The following CYTH3 variants were observed in gnomAD, a reference collection of about 807,000 sequenced individuals.
The protein encoded by CYTH3 is cytohesin-3.
A neutral mutation model predicts 55.1 loss-of-function variants in CYTH3; 23 were observed. That is an observed-to-expected ratio of 0.42 (90% CI 0.30 to 0.59). CYTH3 has a LOEUF of 0.59. CYTH3 is among the 20% of genes least tolerant of loss of function. CYTH3 has a pLI of 0.20. For synonymous variants in CYTH3, 249 were observed against 194.9 expected, an observed-to-expected ratio of 1.28 and a Z score of -2.31; for missense variants, 413 against 524.8, an observed-to-expected ratio of 0.79 and a Z score of 2.08.
At chr7:6,178,211 G>A (rs1442385910) in intron 4 of CYTH3, among the ~76,000 whole-genome samples, 2 of 152,242 alleles carry the variant, frequency 1.3e-5, no homozygotes, top group African/African-American at 4.8e-5. Flanking sequence ...GTGGTTATTA[G>A]AAATTATAAA....
At position 6,163,267 on chromosome 7, in the gene CYTH3, G is replaced by A. The variant is rs1782892446; in HGVS notation, c.*1677C>T. ...CTCAAAGAACAGTCTCCGCTGCTGA[G>A]AAGGAAACCTAGGTGCACAAAGTCT... On this transcript the variant is annotated 3_prime_UTR_variant, in exon 13 of 13. Transcript: ENST00000350796. 6.6e-6 allele frequency: 1 copy of A among 152,354 alleles called. No homozygotes were observed. Among genetic ancestry groups the A allele is most frequent in the East Asian group, 1.9e-4 (1 of 5,198 alleles). The allele number at this position is 152,354 out of a possible 1,614,324, so 9.4% of individuals were successfully genotyped here.
intron 1 of CYTH3, among the ~76,000 whole-genome samples, chr7:6,253,143 ATCTAG>A (rs1780015034): frequency 6.6e-6 from 1 of 152,144 alleles, no homozygotes. Flanking sequence ...TACACATGCA[ATCTAG>A]TCTATAGGAT....
At chr7:6,198,498 G>A (rs1233089612) in intron 1 of CYTH3, among the ~76,000 whole-genome samples, 1 of 152,224 alleles carries the variant, frequency 6.6e-6, no homozygotes, top group African/African-American at 2.4e-5. Context: ...AATGTTCAGA[G>A]AAGGTGTCCT....
chr7:6,190,279 G>A (rs925341022), intron 2 of CYTH3, among the ~76,000 whole-genome samples, 170 bp downstream of exon 2: 1 of 147,722 alleles, frequency 6.8e-6, no homozygotes, highest in African/African-American at 2.5e-5. Flanking sequence ...TTTTCACTCT[G>A]TCTCTTTGTG....
intron 1 of CYTH3, among the ~76,000 whole-genome samples, chr7:6,271,545 T>TA (rs1187686871): frequency 3.3e-5 from 5 of 151,876 alleles, no homozygotes; most frequent in African/African-American, 1.2e-4. Context: ...ACACGGGCAT[T>TA]AACCCTTTGC....
rs748491211 is a variant in CYTH3 at position 6,165,499 on chromosome 7, C to A, written c.972+46G>T. On this transcript the variant is annotated intron_variant, in intron 11 of 12. Coordinates refer to ENST00000350796, the MANE Select transcript of CYTH3 (RefSeq NM_004227.4). ...GGTTCCCTGCAGGCAGTGAGGATGG[C>A]TCCCAGGTGGCTGGCAGGAGAGAAG... 2.5e-6 allele frequency: 4 copies of A among 1,609,912 alleles called. No homozygotes were observed. In the South Asian group the frequency reaches 3.3e-5, roughly 13 times the overall value.
intron 1 of CYTH3, among the ~76,000 whole-genome samples, chr7:6,241,694 T>C (rs1166029738): frequency 6.6e-6 from 1 of 151,890 alleles, no homozygotes; most frequent in African/African-American, 2.4e-5. Context: ...ATTAGCACAA[T>C]GGAATACTAT....
At chr7:6,187,606 AG>A (rs1783687625) in intron 3 of CYTH3, 50 bp downstream of exon 3, 1 of 1,492,360 alleles carries the variant, frequency 6.7e-7, no homozygotes, top group South Asian at 1.1e-5. Context: ...TACAGGATGG[AG>A]GTAGAAAGAA....
intron 1 of CYTH3, among the ~76,000 whole-genome samples, chr7:6,256,615 T>G (rs1377429655): frequency 2.6e-5 from 4 of 152,130 alleles, no homozygotes; most frequent in Non-Finnish European, 2.9e-5. Flanking sequence ...TGGGGAGCGG[T>G]GGAAGCAGTG....
At chr7:6,178,981 G>C (rs992464655) in intron 4 of CYTH3, among the ~76,000 whole-genome samples, 3 of 152,208 alleles carry the variant, frequency 2.0e-5, no homozygotes, top group Admixed American at 6.5e-5. Context: ...TTTGCCAGGA[G>C]GCCATTTCTA....
At chr7:6,213,107 G>A (rs181734525) in intron 1 of CYTH3, among the ~76,000 whole-genome samples, 2 of 152,218 alleles carry the variant, frequency 1.3e-5, no homozygotes, top group African/African-American at 2.4e-5. Context: ...CCAAGGACAG[G>A]GTTCTTCCTT....
Position 6,215,935 on chromosome 7 carries a change from A to C in CYTH3, c.35-25404T>G, listed in dbSNP as rs114488028. Reference sequence around the variant, plus strand: ...GAAAGAACTGTCAACCCTGAATTCTATATCTGGTGAAGTTATCCTTTGGGA... The same window carrying C: ...GAAAGAACTGTCAACCCTGAATTCTCTATCTGGTGAAGTTATCCTTTGGGA... On this transcript the variant is annotated intron_variant, in intron 1 of 12. Coordinates refer to ENST00000350796, the MANE Select transcript of CYTH3 (RefSeq NM_004227.4). Among the ~76,000 whole-genome samples the C allele has an allele frequency of 1.5e-3, 227 of 152,330 alleles. 2 individuals are homozygous for C. Among genetic ancestry groups the C allele is most frequent in the African/African-American group, 5.3e-3 (219 of 41,564 alleles).
intron 1 of CYTH3, among the ~76,000 whole-genome samples, chr7:6,250,880 C>A (rs945778296): frequency 6.6e-6 from 1 of 152,226 alleles, no homozygotes; most frequent in Admixed American, 6.5e-5. Context: ...ACCAAATACA[C>A]TGAAGGTGCA....
In CYTH3 at chr7:6,252,396, A is replaced by T. The variant is rs555080351; in HGVS notation, c.34+20078T>A. ...TACTCTCTGGTTACGTGGCGTGTAC[A>T]TAATTAAAAGGGAAAATTAAAATGC... On this transcript the variant is annotated intron_variant, in intron 1 of 12. Transcript: ENST00000350796. Among the ~76,000 whole-genome samples the T allele has an allele frequency of 1.5e-4, 23 of 152,330 alleles. No individual in the cohort carries two copies. In the East Asian group the frequency reaches 4.0e-3, roughly 27 times the overall value.
chr7:6,222,926 C>T (rs912664696), intron 1 of CYTH3, among the ~76,000 whole-genome samples: 10 of 152,168 alleles, frequency 6.6e-5, no homozygotes, highest in Non-Finnish European at 1.5e-4. Flanking sequence ...CTCCAGTTGG[C>T]CTGCTCATAA....
At chr7:6,200,648 G>C (rs1262958778) in intron 1 of CYTH3, among the ~76,000 whole-genome samples, 1 of 152,186 alleles carries the variant, frequency 6.6e-6, no homozygotes, top group Non-Finnish European at 1.5e-5. Flanking sequence ...CAAAGCATGG[G>C]CTTTGAGCAC....
At chr7:6,231,144 C>T (rs559638166) in intron 1 of CYTH3, among the ~76,000 whole-genome samples, 9 of 152,340 alleles carry the variant, frequency 5.9e-5, no homozygotes, top group African/African-American at 2.2e-4. Context: ...TGTCTGCAGT[C>T]GGATGATGCA....
intron 1 of CYTH3, among the ~76,000 whole-genome samples, chr7:6,220,697 T>C (rs1784531441): frequency 6.6e-6 from 1 of 151,850 alleles, no homozygotes; most frequent in South Asian, 2.1e-4. Flanking sequence ...CATTTTCTTA[T>C]AAAACTAAAC....
intron 11 of CYTH3, 21 bp downstream of exon 11, chr7:6,165,524 G>C (rs1782973536): frequency 6.2e-7 from 1 of 1,612,344 alleles, no homozygotes; most frequent in African/African-American, 1.3e-5. Flanking sequence ...CAGGAGAGAA[G>C]GTTCAGGAGG....
Sources: gnomAD v4.1 joint callset for allele counts (sites outside exome capture counted in the v4.1 genomes callset) on GRCh38, gnomAD v4.1.1 for gene constraint, MANE v1.5 for transcripts, NCBI Gene and HGNC (gene_info 2026-07-23, HGNC 2026-07-21) for gene names.